NUDT19: variants seen among roughly 807,000 people sequenced by gnomAD.
The protein encoded by NUDT19 is nudix hydrolase 19.
NUDT19 carries 31 observed loss-of-function variants against 22.2 expected under a neutral mutation model. That is an observed-to-expected ratio of 1.40 (90% CI 1.05 to 1.89). The LOEUF (loss-of-function observed/expected upper bound fraction) is 1.89. Among genes scored for constraint, NUDT19 ranks in the 40% most tolerant of loss-of-function variants. The pLI is 0.00. For synonymous variants in NUDT19, 325 were observed against 230.8 expected (o/e 1.41, Z -3.70); for missense variants, 752 against 514.2 (o/e 1.46, Z -4.47).
chr19:32,692,327 GC>G lies in NUDT19; in HGVS notation c.369del (p.Phe124SerfsTer141). ...CACTGGGACGCTGCCTGAGGACGTA[GC>G]CTTCCGCATCTGCGCCGTGCGGGAG... Reference protein sequence around the residue: ...DNTGTLPEDVAFRICAVREAF... With the variant: ...DNTGTLPEDVXFRICAVREAF... On this transcript the variant is annotated frameshift_variant, in exon 1 of 3. Coordinates refer to ENST00000397061, the MANE Select transcript of NUDT19 (RefSeq NM_001105570.2). LOFTEE classifies it high-confidence loss of function. 1 of 1,592,518 alleles carries G rather than the reference GC, an allele frequency of 6.3e-7. No homozygotes were observed. Among genetic ancestry groups the G allele is most frequent in the Non-Finnish European group, 8.5e-7 (1 of 1,177,482 alleles).
rs1968422308 is a variant in NUDT19 at position 32,709,373 on chromosome 19, G to A, written c.903G>A (p.Gly301=). ...CGATCATCTTGTTAACTGCTGATGG[G>A]ATGGTCCATCTTTTACCAGGTAAAC... ...WLPIILLTAD[G]MVHLLPGDEL... The change falls in exon 2 of 3, where the codon GGG becomes GGA. Residue 301 remains glycine (G), a synonymous_variant. Transcript: ENST00000397061. 1 of 1,613,862 alleles carries A rather than the reference G, an allele frequency of 6.2e-7. No homozygotes were observed. The highest frequency in any genetic ancestry group is 1.7e-5 in the Admixed American group (1 of 59,990).
chr19:32,708,291 G>A (rs1341753218), intron 1 of NUDT19, among the ~76,000 whole-genome samples: 1 of 151,738 alleles, frequency 6.6e-6, no homozygotes, highest in African/African-American at 2.4e-5. Flanking sequence ...GCCGGGTGTG[G>A]TGGTGGGCGC....
At chr19:32,697,572 C>T (rs547560751) in intron 1 of NUDT19, among the ~76,000 whole-genome samples, 47 of 152,284 alleles carry the variant, frequency 3.1e-4, no homozygotes, top group African/African-American at 9.6e-4. Flanking sequence ...TGATCTGAGT[C>T]GAGGTCCCAG....
At chr19:32,707,086 T>C (rs761293038) in intron 1 of NUDT19, among the ~76,000 whole-genome samples, 3 of 152,250 alleles carry the variant, frequency 2.0e-5, no homozygotes, top group Non-Finnish European at 2.9e-5. Flanking sequence ...CAGGAAAGCA[T>C]TGCATTTTGT....
At chr19:32,706,437 C>T (rs182710648) in intron 1 of NUDT19, among the ~76,000 whole-genome samples, 1 of 152,324 alleles carries the variant, frequency 6.6e-6, no homozygotes, top group East Asian at 1.9e-4. Flanking sequence ...GTAATCCCAA[C>T]CCCTTGGGGG....
chr19:32,703,513 C>T (rs893579536), intron 1 of NUDT19, among the ~76,000 whole-genome samples: 1 of 151,372 alleles, frequency 6.6e-6, no homozygotes. Context: ...CCATGGCCAG[C>T]CAATTTTGTA....
intron 2 of NUDT19, among the ~76,000 whole-genome samples, chr19:32,711,069 C>T (rs1359811796): frequency 1.3e-5 from 2 of 152,042 alleles, no homozygotes; most frequent in African/African-American, 4.8e-5. Context: ...GAGTCATGAA[C>T]TGGTATAATA....
intron 1 of NUDT19, among the ~76,000 whole-genome samples, chr19:32,697,681 C>A (rs906070054): frequency 1.3e-5 from 2 of 152,126 alleles, no homozygotes; most frequent in African/African-American, 4.8e-5. Flanking sequence ...GACTAAGATA[C>A]CAGGTATCTC....
At chr19:32,697,765 A>G (rs1177004621) in intron 1 of NUDT19, among the ~76,000 whole-genome samples, 16 of 152,212 alleles carry the variant, frequency 1.1e-4, no homozygotes, top group Non-Finnish European at 1.5e-5. Flanking sequence ...CTAGCATGAC[A>G]TCTCTCCAAG....
chr19:32,693,909 C>A (rs1401938088), intron 1 of NUDT19, among the ~76,000 whole-genome samples: 1 of 152,198 alleles, frequency 6.6e-6, no homozygotes, highest in African/African-American at 2.4e-5. Flanking sequence ...GCAATGACTG[C>A]TCTAGCTACT....
chr19:32,692,614 G>C lies in NUDT19; in HGVS notation c.654G>C (p.Leu218=). 1.3e-6 allele frequency: 2 copies of C among 1,549,034 alleles called. No individual in the cohort carries two copies. Among genetic ancestry groups the C allele is most frequent in the South Asian group, 1.2e-5 (1 of 82,686 alleles). ...GCCGCTTTGACACGGCCTTCTTCCT[G>C]TGCTGCCTGCGCGAGCCGCCGCCCG... ...TTRRFDTAFF[L]CCLREPPPVY... The change falls in exon 1 of 3, where the codon CTG becomes CTC. Residue 218 remains leucine (L), a synonymous_variant. Transcript: ENST00000397061.
Position 32,692,046 on chromosome 19 carries a change from C to T in NUDT19, c.86C>T (p.Thr29Ile). The change falls in exon 1 of 3, where the codon ACC becomes ATC. Residue 29 changes from threonine (T) to isoleucine (I), a missense_variant. Transcript: ENST00000397061. ...VLAAGWSRPE[T>I]ATPPSRPPPA... The stretch of plus-strand genomic sequence containing the variant: ...GCGGCTGGCTGGTCGCGCCCGGAGA[C>T]CGCCACCCCGCCGTCGCGCCCGCCG... The T allele has an allele frequency of 1.6e-6, 2 of 1,285,284 alleles. No homozygotes were observed. The highest frequency in any genetic ancestry group is 6.4e-5 in the East Asian group (2 of 31,418). The allele number at this position is 1,285,284 out of a possible 1,614,324, so 79.6% of individuals were successfully genotyped here.
rs113690360 is a variant in NUDT19 at position 32,709,948 on chromosome 19, T to C, written c.922+556T>C. Among the ~76,000 whole-genome samples, 27 of 151,796 alleles carry C rather than the reference T, an allele frequency of 1.8e-4. 1 individual carries two copies. Among genetic ancestry groups the C allele is most frequent in the African/African-American group, 6.5e-4 (27 of 41,408 alleles). On this transcript the variant is annotated intron_variant, in intron 2 of 2. Coordinates refer to ENST00000397061, the MANE Select transcript of NUDT19 (RefSeq NM_001105570.2). ...GATTACAGTCATGAGCCACCATGCCTGGCTGATTTCTCACTTTTTTGCATT... is the reference window on the plus strand; with the variant it reads ...GATTACAGTCATGAGCCACCATGCCCGGCTGATTTCTCACTTTTTTGCATT...
At chr19:32,692,778 G>A in intron 1 of NUDT19, 104 bp downstream of exon 1, 1 of 803,404 alleles carries the variant, frequency 1.2e-6, no homozygotes, top group Non-Finnish European at 1.8e-6. Flanking sequence ...GCCAAGCCCA[G>A]AGAGATTAAG....
At chr19:32,709,542 T>C (rs1968424107) in intron 2 of NUDT19, 150 bp downstream of exon 2, 1 of 633,822 alleles carries the variant, frequency 1.6e-6, no homozygotes, top group African/African-American at 1.8e-5. Flanking sequence ...GCCTATAAAA[T>C]ATCCATATTA....
intron 1 of NUDT19, among the ~76,000 whole-genome samples, chr19:32,694,936 C>G (rs779109898): frequency 2.0e-5 from 3 of 152,190 alleles, no homozygotes; most frequent in Non-Finnish European, 4.4e-5. Flanking sequence ...TTTCCTTAAT[C>G]GCCCAGGAGG....
intron 1 of NUDT19, among the ~76,000 whole-genome samples, chr19:32,700,618 C>T (rs1968324803): frequency 6.6e-6 from 1 of 152,132 alleles, no homozygotes; most frequent in South Asian, 2.1e-4. Context: ...TTTGTAGAGA[C>T]CGGATCTCAC....
At chr19:32,700,711 A>T (rs972119911) in intron 1 of NUDT19, among the ~76,000 whole-genome samples, 2 of 152,168 alleles carry the variant, frequency 1.3e-5, no homozygotes, top group Admixed American at 1.3e-4. Flanking sequence ...GATTATTGGC[A>T]TAAGCTACTG....
intron 1 of NUDT19, among the ~76,000 whole-genome samples, chr19:32,696,153 A>T (rs1968261348): frequency 6.6e-6 from 1 of 152,222 alleles, no homozygotes; most frequent in Non-Finnish European, 1.5e-5. Flanking sequence ...GCTGAGGGCC[A>T]CACATGTATG....
Sources: gnomAD v4.1 joint callset for allele counts (sites outside exome capture counted in the v4.1 genomes callset) on GRCh38, gnomAD v4.1.1 for gene constraint, MANE v1.5 for transcripts, NCBI Gene and HGNC (gene_info 2026-07-23, HGNC 2026-07-21) for gene names.